Variants in SNTG1 observed in about 807,000 individuals in gnomAD.
SNTG1 encodes the protein syntrophin gamma 1.
SNTG1 carries 39 observed loss-of-function variants against 74.7 expected under a neutral mutation model. The observed-to-expected ratio is 0.52, with a 90% CI of 0.40 to 0.68. The LOEUF (loss-of-function observed/expected upper bound fraction) is 0.68. SNTG1 is among the 30% of genes least tolerant of loss of function. SNTG1 has a pLI of 0.00. For missense variants in SNTG1, 685 were observed against 609.5 expected (o/e 1.12, Z -1.30); for synonymous variants, 254 against 217.1 (o/e 1.17, Z -1.49).
chr8:50,256,068 C>T (rs1333120330), intron 2 of SNTG1, among the ~76,000 whole-genome samples: 2 of 152,206 alleles, frequency 1.3e-5, no homozygotes, highest in African/African-American at 2.4e-5. Context: ...CTTTCTGACA[C>T]TGCCTTGTTG....
rs145427805 is a variant in SNTG1 at position 50,176,681 on chromosome 8, G to T, written c.-28+4046G>T. Among the ~76,000 whole-genome samples the T allele has an allele frequency of 1.9e-4, 29 of 152,288 alleles. No individual in the cohort carries two copies. In the East Asian group the frequency reaches 4.4e-3, roughly 23 times the overall value. On this transcript the variant is annotated intron_variant, in intron 2 of 18. Transcript: ENST00000642720. ...CGGTAGTTTCTCCTTGTGATCTCAG[G>T]ATTAACTGGTGTACCACAATGTATA...
At chr8:49,918,820 G>T (rs1415631331) in intron 1 of SNTG1, among the ~76,000 whole-genome samples, 1 of 151,910 alleles carries the variant, frequency 6.6e-6, no homozygotes, top group Non-Finnish European at 1.5e-5. Context: ...TTGCCTAATT[G>T]GTATTTGTAT....
chr8:50,284,357 C>A (rs914889571), intron 2 of SNTG1, among the ~76,000 whole-genome samples: 1 of 151,788 alleles, frequency 6.6e-6, no homozygotes, highest in African/African-American at 2.4e-5. Flanking sequence ...GGTAAATTAC[C>A]ATTTTCATCC....
At chr8:50,500,640 A>G (rs1441758888) in intron 8 of SNTG1, among the ~76,000 whole-genome samples, 1 of 151,754 alleles carries the variant, frequency 6.6e-6, no homozygotes, top group African/African-American at 2.4e-5. Flanking sequence ...ATATTAGGTG[A>G]CTCTGCCTCT....
At chr8:50,706,694 T>C (rs144786183) in intron 16 of SNTG1, among the ~76,000 whole-genome samples, 163 of 152,198 alleles carry the variant, frequency 1.1e-3, no homozygotes, top group African/African-American at 3.7e-3. Context: ...TTCTACAGAT[T>C]TTATAACTCT....
At chr8:49,939,984 A>G (rs1285046917) in intron 1 of SNTG1, among the ~76,000 whole-genome samples, 1 of 152,226 alleles carries the variant, frequency 6.6e-6, no homozygotes, top group Non-Finnish European at 1.5e-5. Context: ...ACACAGTAAT[A>G]AGATAATACA....
rs539200299 is a variant in SNTG1, at chr8:50,368,017, T to C, written c.-27-26195T>C. On this transcript the variant is annotated intron_variant, in intron 2 of 18. Transcript: ENST00000642720. ...TACGAAGGGACTATTGGTAGAAACG[T>C]GGACATTAAAGGCAATTCTGGTAAG... Among the ~76,000 whole-genome samples, 4 of 150,646 alleles carry C rather than the reference T, an allele frequency of 2.7e-5. No individual in the cohort carries two copies. The South Asian group carries it at 8.3e-4, about 31-fold the overall frequency.
chr8:50,519,714 A>G (rs310569), intron 9 of SNTG1, among the ~76,000 whole-genome samples: 56,550 of 151,912 alleles, frequency 0.37, 13,284 homozygotes, highest in African/African-American at 0.67. Flanking sequence ...ATTGCTACAA[A>G]AGAATAAAAT....
intron 1 of SNTG1, among the ~76,000 whole-genome samples, chr8:50,037,101 G>T (rs1818231376): frequency 6.6e-6 from 1 of 152,200 alleles, no homozygotes; most frequent in Non-Finnish European, 1.5e-5. Context: ...AATTAAGTTT[G>T]TGTGACAACT....
intron 2 of SNTG1, among the ~76,000 whole-genome samples, chr8:50,306,994 T>G (rs2089926390): frequency 1.3e-5 from 2 of 152,100 alleles, no homozygotes; most frequent in South Asian, 4.1e-4. Context: ...CTCTTTTGTG[T>G]CTGGTCTCAT....
intron 1 of SNTG1, among the ~76,000 whole-genome samples, chr8:49,958,849 A>T (rs1411249862): frequency 6.6e-6 from 1 of 152,236 alleles, no homozygotes; most frequent in Non-Finnish European, 1.5e-5. Context: ...AATTCTTATT[A>T]TCAGAGAAAT....
chr8:50,133,876 T>A (rs1425427843), intron 1 of SNTG1, among the ~76,000 whole-genome samples: 1 of 152,202 alleles, frequency 6.6e-6, no homozygotes, highest in Non-Finnish European at 1.5e-5. Context: ...TCAATATGTC[T>A]TTTTGAAAGA....
intron 1 of SNTG1, among the ~76,000 whole-genome samples, chr8:50,004,291 T>C (rs1585853407): frequency 6.6e-6 from 1 of 152,268 alleles, no homozygotes; most frequent in South Asian, 2.1e-4. Flanking sequence ...TCACATAAAT[T>C]GAGGATCACT....
intron 17 of SNTG1, among the ~76,000 whole-genome samples, chr8:50,737,955 C>T (rs1470111878): frequency 6.6e-6 from 1 of 152,042 alleles, no homozygotes; most frequent in Non-Finnish European, 1.5e-5. Flanking sequence ...CAATATCATA[C>T]TGAATGGGCA....
chr8:50,184,812 GAA>G lies in SNTG1; in HGVS notation c.-28+12184_-28+12185del, dbSNP rs963473518. Among the ~76,000 whole-genome samples the G allele has an allele frequency of 2.0e-5, 3 of 151,792 alleles. No homozygotes were observed. In the East Asian group the frequency reaches 5.8e-4, roughly 29 times the overall value. On this transcript the variant is annotated intron_variant, in intron 2 of 18. Transcript: ENST00000642720. ...ACATAAGGATTGGTATATTTTTGAG[GAA>G]AAAAAATTAAAATGTTCCTAGTTCA...
chr8:50,169,320 A>G (rs1280353863), intron 1 of SNTG1, among the ~76,000 whole-genome samples: 1 of 152,252 alleles, frequency 6.6e-6, no homozygotes, highest in African/African-American at 2.4e-5. Flanking sequence ...ACTCACATGT[A>G]TACTCATATT....
chr8:50,394,203 T>A lies in SNTG1; in HGVS notation c.-27-9T>A, dbSNP rs2092699126. On this transcript the variant is annotated splice_polypyrimidine_tract_variant and intron_variant, in intron 2 of 18. Transcript: ENST00000642720. ...TGCCTAATGGCTTACCATTTCTGTG[T>A]CTTTTCAGACGACATCCTTTGTGGT... 6.2e-7 allele frequency: 1 copy of A among 1,612,210 alleles called. No homozygotes were observed. The highest frequency in any genetic ancestry group is 1.3e-5 in the African/African-American group (1 of 74,848).
intron 1 of SNTG1, among the ~76,000 whole-genome samples, chr8:49,994,348 T>G (rs1193220039): frequency 6.6e-6 from 1 of 150,598 alleles, no homozygotes; most frequent in Non-Finnish European, 1.5e-5. Flanking sequence ...CTCTGCCTCT[T>G]GGATTCAAGT....
rs1189144169 is a variant in SNTG1, at chr8:50,589,996, T to G, written c.811-883T>G. Among the ~76,000 whole-genome samples the G allele has an allele frequency of 2.6e-5, 4 of 152,216 alleles. No individual in the cohort carries two copies. In the East Asian group the frequency reaches 7.7e-4, roughly 29 times the overall value. Reference sequence around the variant, plus strand: ...GTGAGAAATATCTTGCTAGTAAATCTGTTCTTGTAGATGTGACTTTTGTTG... The same window carrying G: ...GTGAGAAATATCTTGCTAGTAAATCGGTTCTTGTAGATGTGACTTTTGTTG... On this transcript the variant is annotated intron_variant, in intron 12 of 18. Coordinates refer to ENST00000642720, the MANE Select transcript of SNTG1 (RefSeq NM_018967.5).
Sources: gnomAD v4.1 joint callset for allele counts (sites outside exome capture counted in the v4.1 genomes callset) on GRCh38, gnomAD v4.1.1 for gene constraint, MANE v1.5 for transcripts, NCBI Gene and HGNC (gene_info 2026-07-23, HGNC 2026-07-21) for gene names.